TRIM74: variants seen among roughly 807,000 people sequenced by gnomAD.
The protein encoded by TRIM74 is tripartite motif-containing protein 74.
TRIM74 carries 3 observed loss-of-function variants against 14.5 expected under a neutral mutation model. The observed-to-expected ratio is 0.21, with a 90% CI of 0.09 to 0.53. TRIM74 has a LOEUF of 0.53. TRIM74 is among the 20% of genes least tolerant of loss of function. The probability of loss-of-function intolerance (pLI) is 0.95; values close to 1 mark genes in which losing one functional copy is unlikely to be tolerated. For missense variants in TRIM74, 26 were observed against 174.0 expected, an observed-to-expected ratio of 0.15 and a Z score of 4.79; for synonymous variants, 10 against 71.3, an observed-to-expected ratio of 0.14 and a Z score of 4.33.
At chr7:72,955,111 A>ATATATATATATATATTTT (rs1346659193), downstream of TRIM74, 16 of 112,052 alleles carry the variant, frequency 1.4e-4, no homozygotes, top group African/African-American at 6.6e-4. Context: ...ATATATATAT[A>ATATATATATATATATTTT]TTTTTTTTTT....
At chr7:72,966,396 T>C (rs536326266) in intron 1 of TRIM74, among the ~76,000 whole-genome samples, 1 of 144,060 alleles carries the variant, frequency 6.9e-6, no homozygotes, top group East Asian at 1.9e-4. Context: ...TGTGTGTGTG[T>C]GTGTGTGTGT....
intron 2 of TRIM74, among the ~76,000 whole-genome samples, chr7:72,963,902 T>A: frequency 1.8e-5 from 1 of 54,968 alleles, no homozygotes; most frequent in African/African-American, 6.6e-5. Context: ...CTTGCCAAGA[T>A]AATCAGTTCT....
chr7:72,965,995 TG>T lies in TRIM74; in HGVS notation c.162del (p.Met55CysfsTer20). 1.5e-6 allele frequency: 1 copy of T among 660,414 alleles called. No homozygotes were observed. Among genetic ancestry groups the T allele is most frequent in the Non-Finnish European group, 2.1e-6 (1 of 486,894 alleles). 40.9% of individuals were successfully genotyped at this position (660,414 alleles called of 1,614,324 possible). A position where few individuals can be genotyped will look rare whatever the true frequency, so the allele number is the denominator to read the frequency against. On this transcript the variant is annotated frameshift_variant, in exon 2 of 5. Transcript: ENST00000285805. LOFTEE classifies it high-confidence loss of function. ...CTGCCGTCCACCACCTGCCAGCACA[TG>T]GGGCAGCGCACCTTGGTGTCCAGGT... ...SYHLDTKVRC[P>X]MCWQVVDGSS...
downstream of TRIM74, among the ~76,000 whole-genome samples, chr7:72,955,666 C>T (rs1798081572): frequency 6.8e-6 from 1 of 147,500 alleles, no homozygotes. Flanking sequence ...GCCTCAAAGC[C>T]ACAATAACGG....
At chr7:72,955,137 C>T (rs1798070928), downstream of TRIM74, among the ~76,000 whole-genome samples, 1 of 124,998 alleles carries the variant, frequency 8.0e-6, no homozygotes, top group African/African-American at 3.3e-5. Flanking sequence ...GACAAAAAGA[C>T]TCACTCTGTC....
chr7:72,962,648 T>C (rs1211852793), intron 2 of TRIM74, among the ~76,000 whole-genome samples: 1 of 77,206 alleles, frequency 1.3e-5, no homozygotes, highest in African/African-American at 6.1e-5. Context: ...CCCACTGCAC[T>C]CCAGCCTGGG....
intron 2 of TRIM74, among the ~76,000 whole-genome samples, chr7:72,963,967 C>T (rs1403556375): frequency 2.5e-5 from 1 of 39,630 alleles, no homozygotes; most frequent in African/African-American, 9.2e-5. Flanking sequence ...CACGTGATCT[C>T]CTCCTTCAGT....
downstream of TRIM74, among the ~76,000 whole-genome samples, chr7:72,957,068 C>T (rs1383756303): frequency 4.0e-5 from 6 of 150,456 alleles, no homozygotes; most frequent in South Asian, 2.1e-4. Flanking sequence ...TGCAGTGAGC[C>T]GAGATCACAC....
intron 1 of TRIM74, 116 bp from the exon 2 acceptor site, chr7:72,966,291 T>C: frequency 3.3e-6 from 1 of 306,840 alleles, no homozygotes; most frequent in Admixed American, 5.2e-5. Context: ...CTTTGAGTCC[T>C]GGATCCCAGT....
chr7:72,966,948 G>C (rs1290692745), intron 1 of TRIM74: 2 of 143,432 alleles, frequency 1.4e-5, no homozygotes, highest in African/African-American at 5.2e-5. Context: ...AGTGCAGCTG[G>C]ACGCCTGCAC....
At chr7:72,955,111 A>ATTT (rs59028605), downstream of TRIM74, 24 of 112,990 alleles carry the variant, frequency 2.1e-4, 1 homozygote, top group South Asian at 1.1e-3. Flanking sequence ...ATATATATAT[A>ATTT]TTTTTTTTTT....
chr7:72,959,817 AC>A lies in TRIM74; in HGVS notation c.*64del. 1 of 943,238 alleles carries A rather than the reference AC, an allele frequency of 1.1e-6. No individual in the cohort carries two copies. The highest frequency in any genetic ancestry group is 2.7e-5 in the East Asian group (1 of 36,446). 58.4% of individuals were successfully genotyped at this position (943,238 alleles called of 1,614,324 possible). A position where few individuals can be genotyped will look rare whatever the true frequency, so the allele number is the denominator to read the frequency against. On this transcript the variant is annotated 3_prime_UTR_variant, in exon 5 of 5. Coordinates refer to ENST00000285805, the MANE Select transcript of TRIM74 (RefSeq NM_198853.3). The stretch of plus-strand genomic sequence containing the variant: ...GGCGCTGGTTAAGCTGAATGGAGGA[AC>A]CAGTGGAGCTGAGATGCCCGTGCCC...
intron 2 of TRIM74, among the ~76,000 whole-genome samples, chr7:72,963,960 G>A (rs1798232800): frequency 2.4e-5 from 1 of 41,866 alleles, no homozygotes; most frequent in Non-Finnish European, 5.1e-5. Flanking sequence ...TTTCACACAC[G>A]TGATCTCCTC....
At chr7:72,956,924 T>C (rs1473393847), downstream of TRIM74, among the ~76,000 whole-genome samples, 1 of 152,224 alleles carries the variant, frequency 6.6e-6, no homozygotes, top group African/African-American at 2.4e-5. Flanking sequence ...GCCCAGGAGT[T>C]CACAACCAGC....
At chr7:72,955,112 T>TATATATATATA (rs1491401490), downstream of TRIM74, 232 of 124,694 alleles carry the variant, frequency 1.9e-3, no homozygotes, top group Non-Finnish European at 2.0e-3. Context: ...TATATATATA[T>TATATATATATA]TTTTTTTTTT....
intron 1 of TRIM74, among the ~76,000 whole-genome samples, chr7:72,967,250 G>GT (rs1798306480): frequency 1.3e-5 from 2 of 148,732 alleles, no homozygotes; most frequent in Non-Finnish European, 1.5e-5. Context: ...CTTTTTTGGG[G>GT]GGGGTGGGGG....
intron 2 of TRIM74, among the ~76,000 whole-genome samples, chr7:72,963,931 T>C (rs1325936633): frequency 2.0e-5 from 1 of 49,846 alleles, no homozygotes; most frequent in East Asian, 4.7e-4. Context: ...CATTTAACAC[T>C]TTTCAGTCCT....
chr7:72,967,203 C>T (rs1798303717), intron 1 of TRIM74, among the ~76,000 whole-genome samples: 2 of 151,894 alleles, frequency 1.3e-5, no homozygotes, highest in Non-Finnish European at 2.9e-5. Flanking sequence ...TGCTGGGAAA[C>T]AGTTCTTTCT....
At chr7:72,966,404 T>TGC (rs1798275318) in intron 1 of TRIM74, among the ~76,000 whole-genome samples, 2 of 143,968 alleles carry the variant, frequency 1.4e-5, no homozygotes, top group Admixed American at 1.3e-4. Context: ...TGTGTGTGTG[T>TGC]GTGTGTGTGT....
Sources: allele counts gnomAD v4.1 joint callset (sites outside exome capture counted in the v4.1 genomes callset), GRCh38; gene constraint gnomAD v4.1.1; transcripts MANE v1.5; gene names NCBI Gene and HGNC (gene_info 2026-07-23, HGNC 2026-07-21).